The following KCTD16 variants were observed in gnomAD, a reference collection of about 807,000 sequenced individuals.
KCTD16 encodes the protein BTB/POZ domain-containing protein KCTD16.
A neutral mutation model predicts 33.2 loss-of-function variants in KCTD16; 13 were observed. That is an observed-to-expected ratio of 0.39 (90% CI 0.25 to 0.62). KCTD16 has a LOEUF of 0.62. Ranked by LOEUF, KCTD16 falls within the 20% of genes least tolerant of loss-of-function variation. The probability of loss-of-function intolerance (pLI) is 0.50; values close to 1 mark genes in which losing one functional copy is unlikely to be tolerated. For synonymous variants in KCTD16, 197 were observed against 195.3 expected, an observed-to-expected ratio of 1.01 and a Z score of -0.07; for missense variants, 441 against 525.1, an observed-to-expected ratio of 0.84 and a Z score of 1.57.
At chr5:144,465,150 G>A (rs1282791088) in intron 3 of KCTD16, among the ~76,000 whole-genome samples, 5 of 147,508 alleles carry the variant, frequency 3.4e-5, no homozygotes, top group Non-Finnish European at 7.4e-5. Flanking sequence ...GATAAATGTA[G>A]ATCAGTCTTA....
chr5:144,275,594 G>A (rs972992461), intron 3 of KCTD16, among the ~76,000 whole-genome samples: 17 of 152,156 alleles, frequency 1.1e-4, no homozygotes, highest in African/African-American at 3.6e-4. Flanking sequence ...TGACACCACA[G>A]GGTCCTTCTA....
chr5:144,202,073 C>A (rs989579198), intron 2 of KCTD16, among the ~76,000 whole-genome samples: 1 of 152,202 alleles, frequency 6.6e-6, no homozygotes, highest in Non-Finnish European at 1.5e-5. Context: ...CACAATTTAC[C>A]TAACATACGT....
intron 3 of KCTD16, among the ~76,000 whole-genome samples, chr5:144,318,655 C>T (rs564828254): frequency 3.9e-5 from 6 of 152,166 alleles, no homozygotes; most frequent in Non-Finnish European, 7.3e-5. Flanking sequence ...TGTATCTCAT[C>T]GGCCCTGCCT....
intron 3 of KCTD16, among the ~76,000 whole-genome samples, chr5:144,251,330 C>A (rs1212305162): frequency 6.6e-6 from 1 of 152,096 alleles, no homozygotes; most frequent in Non-Finnish European, 1.5e-5. Flanking sequence ...TGCTACATAA[C>A]CTTGGGCAAA....
At chr5:144,257,673 GA>G (rs1397476443) in intron 3 of KCTD16, among the ~76,000 whole-genome samples, 1 of 151,996 alleles carries the variant, frequency 6.6e-6, no homozygotes, top group Non-Finnish European at 1.5e-5. Context: ...ATTTTTAGTA[GA>G]GACGGGGTTT....
chr5:144,373,673 C>G (rs902609212), intron 3 of KCTD16, among the ~76,000 whole-genome samples: 2 of 152,066 alleles, frequency 1.3e-5, no homozygotes, highest in African/African-American at 2.4e-5. Flanking sequence ...CTTTGTCATT[C>G]TTTTTAATAG....
chr5:144,429,105 C>T (rs1409048017), intron 3 of KCTD16, among the ~76,000 whole-genome samples: 1 of 151,936 alleles, frequency 6.6e-6, no homozygotes, highest in East Asian at 1.9e-4. Context: ...GTTGGGCAGG[C>T]AAGAAGGTGA....
chr5:144,317,417 A>G lies in KCTD16; in HGVS notation c.832+109871A>G, dbSNP rs1751948582. 2.6e-5 allele frequency among the ~76,000 whole-genome samples: 4 copies of G among 152,196 alleles called. No homozygotes were observed. In the South Asian group the frequency reaches 8.3e-4, roughly 31 times the overall value. On this transcript the variant is annotated intron_variant, in intron 3 of 3. Coordinates refer to ENST00000512467, the MANE Select transcript of KCTD16 (RefSeq NM_020768.4). ...CGGAAATCACCTAGCTACTTATTCA[A>G]CAGTAGATTTCTGGGCCTCAGACTC...
At chr5:144,229,524 T>A (rs923090274) in intron 3 of KCTD16, among the ~76,000 whole-genome samples, 1 of 152,226 alleles carries the variant, frequency 6.6e-6, no homozygotes, top group East Asian at 1.9e-4. Context: ...AGATCACCTA[T>A]GTGGCTATCG....
At chr5:144,442,329 C>T (rs1753729143) in intron 3 of KCTD16, among the ~76,000 whole-genome samples, 1 of 152,076 alleles carries the variant, frequency 6.6e-6, no homozygotes, top group Non-Finnish European at 1.5e-5. Context: ...TGGATGCTTC[C>T]TAGCACATGC....
chr5:144,432,760 A>T (rs1261095628), intron 3 of KCTD16, among the ~76,000 whole-genome samples: 1 of 151,800 alleles, frequency 6.6e-6, no homozygotes, highest in Non-Finnish European at 1.5e-5. Context: ...TGAATGCCAA[A>T]TTTTCTTGAA....
At chr5:144,247,250 G>C (rs1754575406) in intron 3 of KCTD16, among the ~76,000 whole-genome samples, 1 of 152,170 alleles carries the variant, frequency 6.6e-6, no homozygotes. Context: ...CCAAGACTGG[G>C]TAATGAAAGA....
intron 2 of KCTD16, among the ~76,000 whole-genome samples, chr5:144,188,271 T>C (rs996958323): frequency 1.3e-5 from 2 of 152,250 alleles, no homozygotes; most frequent in Non-Finnish European, 1.5e-5. Flanking sequence ...ATTAGCTTTG[T>C]ACCTCTTCCA....
chr5:144,276,846 T>C (rs112045349), intron 3 of KCTD16, among the ~76,000 whole-genome samples: 8,648 of 150,970 alleles, frequency 0.057, 827 homozygotes, highest in African/African-American at 0.19. Flanking sequence ...GAGATTGCAG[T>C]GAGCCAAGAT....
At chr5:144,422,677 A>G (rs1034102937) in intron 3 of KCTD16, among the ~76,000 whole-genome samples, 2 of 152,190 alleles carry the variant, frequency 1.3e-5, no homozygotes, top group African/African-American at 4.8e-5. Context: ...AGAGTAAAGA[A>G]ATGACCTAAT....
rs149199288 is a variant in KCTD16 at position 144,264,100 on chromosome 5, G to A, written c.832+56554G>A. ...AAAAAACATTTAGACTGTAACACAA[G>A]CCTTATTTCTGAATTTTAGCTTTGG... On this transcript the variant is annotated intron_variant, in intron 3 of 3. Transcript: ENST00000512467. Among the ~76,000 whole-genome samples the A allele has an allele frequency of 3.6e-3, 547 of 152,256 alleles. 4 individuals carry two copies. Among genetic ancestry groups the A allele is most frequent in the African/African-American group, 0.013 (524 of 41,526 alleles).
At chr5:144,258,736 T>G (rs755228577) in intron 3 of KCTD16, among the ~76,000 whole-genome samples, 4 of 152,244 alleles carry the variant, frequency 2.6e-5, no homozygotes, top group Non-Finnish European at 4.4e-5. Context: ...TTTCAGGCTA[T>G]CTGCTAGTAT....
chr5:144,208,216 T>A (rs1753252606), intron 3 of KCTD16, among the ~76,000 whole-genome samples: 1 of 152,216 alleles, frequency 6.6e-6, no homozygotes, highest in Non-Finnish European at 1.5e-5. Flanking sequence ...AGGAACTAGA[T>A]CCTTCAGAAT....
At chr5:144,282,088 T>C (rs532830098) in intron 3 of KCTD16, among the ~76,000 whole-genome samples, 1 of 152,322 alleles carries the variant, frequency 6.6e-6, no homozygotes, top group South Asian at 2.1e-4. Context: ...AACTGGTGGA[T>C]AGTGGCTGGT....
Sources: gnomAD v4.1 joint callset for allele counts (sites outside exome capture counted in the v4.1 genomes callset) on GRCh38, gnomAD v4.1.1 for gene constraint, MANE v1.5 for transcripts, NCBI Gene and HGNC (gene_info 2026-07-23, HGNC 2026-07-21) for gene names.